RTL9: variants seen among roughly 807,000 people sequenced by gnomAD.
RTL9 encodes retrotransposon Gag-like protein 9.
Under a neutral mutation model 44.7 loss-of-function variants are expected in RTL9, and 19 were observed. The ratio of observed to expected loss-of-function variants is 0.42; its 90% CI spans 0.30 to 0.62. The LOEUF is 0.62. Among genes scored for constraint, RTL9 ranks in the 20% least tolerant of loss-of-function variants. RTL9 has a pLI of 0.16. For missense variants in RTL9, 1,105 were observed against 1,080.6 expected (o/e 1.02, Z -0.32); for synonymous variants, 407 against 398.9 (o/e 1.02, Z -0.24).
At chrX:110,451,871 C>A (rs745699098) in exon 1 of RTL9, 25 of 1,209,695 alleles carry the variant, frequency 2.1e-5, no homozygotes, top group Non-Finnish European at 2.8e-5. Flanking sequence ...TAATGGGAGC[C>A]CCAGCCTCTG....
intron 1 of RTL9, among the ~76,000 whole-genome samples, chrX:110,392,480 G>T (rs2068501704): frequency 9.0e-6 from 1 of 111,009 alleles, no homozygotes; most frequent in Non-Finnish European, 1.9e-5. Flanking sequence ...ACAAGGCCTT[G>T]CTTTGTTGTC....
At chrX:110,397,806 G>T (rs2068538324) in intron 1 of RTL9, among the ~76,000 whole-genome samples, 2 of 111,820 alleles carry the variant, frequency 1.8e-5, no homozygotes, top group African/African-American at 3.3e-5. Context: ...AATGGACTTG[G>T]GGGGGCAAAC....
chrX:110,366,564 G>A (rs1162244085), intron 1 of RTL9, among the ~76,000 whole-genome samples: 2 of 111,366 alleles, frequency 1.8e-5, no homozygotes, highest in East Asian at 2.8e-4. Flanking sequence ...ATAGAGTACT[G>A]TCCCTCAGCC....
chrX:110,361,437 C>T (rs942290924), intron 1 of RTL9, among the ~76,000 whole-genome samples: 2 of 111,509 alleles, frequency 1.8e-5, no homozygotes, highest in Admixed American at 1.9e-4. Flanking sequence ...ATTATTCTCT[C>T]ACTGTTTTTT....
chrX:110,425,335 C>T (rs966472432), intron 1 of RTL9, among the ~76,000 whole-genome samples: 1 of 112,255 alleles, frequency 8.9e-6, no homozygotes, highest in Admixed American at 9.4e-5. Context: ...TACCTTCTTC[C>T]TTCACCTTCC....
chrX:110,450,463 T>C (rs1169564935), upstream of RTL9: 2 of 484,207 alleles, frequency 4.1e-6, no homozygotes, highest in Non-Finnish European at 7.1e-6. Flanking sequence ...CAATGCCATA[T>C]ACCTGACAAC....
At chrX:110,413,255 C>A (rs185734947) in intron 1 of RTL9, among the ~76,000 whole-genome samples, 164 of 111,536 alleles carry the variant, frequency 1.5e-3, no homozygotes, top group African/African-American at 4.9e-3. Context: ...CTATTGTCTA[C>A]CTCCGGGCCT....
chrX:110,405,380 A>G (rs2068594550), intron 1 of RTL9, among the ~76,000 whole-genome samples: 1 of 111,394 alleles, frequency 9.0e-6, no homozygotes, highest in Admixed American at 9.5e-5. Context: ...GCAGCGTAAA[A>G]GCCAAATTAA....
upstream of RTL9, among the ~76,000 whole-genome samples, chrX:110,418,689 T>C (rs934757941): frequency 9.0e-6 from 1 of 111,645 alleles, no homozygotes; most frequent in Non-Finnish European, 1.9e-5. Context: ...TGGGACCTTA[T>C]GGGATCAGAG....
At chrX:110,434,919 G>A (rs1027658562) in intron 1 of RTL9, among the ~76,000 whole-genome samples, 2 of 109,283 alleles carry the variant, frequency 1.8e-5, no homozygotes, top group East Asian at 2.9e-4. Context: ...ACACCAGCCC[G>A]GAGTGAGAAG....
At chrX:110,378,500 T>C (rs1016023693) in intron 1 of RTL9, among the ~76,000 whole-genome samples, 1 of 112,235 alleles carries the variant, frequency 8.9e-6, no homozygotes, top group Non-Finnish European at 1.9e-5. Context: ...AGTAACGTAC[T>C]AGCTCCTCAT....
intron 1 of RTL9, among the ~76,000 whole-genome samples, chrX:110,369,061 G>T (rs762076240): frequency 8.9e-6 from 1 of 111,992 alleles, no homozygotes; most frequent in South Asian, 3.8e-4. Flanking sequence ...GGCTGTGTGC[G>T]GTGGCTCACG....
chrX:110,383,300 C>T (rs2068433322), intron 1 of RTL9, among the ~76,000 whole-genome samples: 1 of 111,237 alleles, frequency 9.0e-6, no homozygotes, highest in Non-Finnish European at 1.9e-5. Context: ...GTATAAACTT[C>T]ATACCCTCCT....
At chrX:110,379,803 T>C (rs1450827998) in intron 1 of RTL9, among the ~76,000 whole-genome samples, 2 of 112,349 alleles carry the variant, frequency 1.8e-5, no homozygotes, top group Non-Finnish European at 3.8e-5. Context: ...AATGCATGGA[T>C]GGCCTTTGAG....
Position 110,452,886 on chromosome X carries a change from C to G in RTL9, c.2269C>G (p.Pro757Ala), listed in dbSNP as rs1440759499. ...CCCAACCTCTGATGTGATGTCCACA[C>G]CAACAGTGAGAGCCTGGACCTCTGA... The change falls in exon 1 of 2, where the codon CCA (proline) becomes GCA (alanine). Residue 757 changes from proline to alanine, a missense_variant. Coordinates refer to ENST00000540313, the Ensembl canonical transcript of RTL9. The G allele has an allele frequency of 9.1e-6, 11 of 1,209,823 alleles. No individual in the cohort carries two copies. Among genetic ancestry groups the G allele is most frequent in the East Asian group, 8.9e-5 (3 of 33,763 alleles).
intron 1 of RTL9, among the ~76,000 whole-genome samples, chrX:110,398,364 C>A (rs2068542074): frequency 8.9e-6 from 1 of 112,283 alleles, no homozygotes; most frequent in African/African-American, 3.2e-5. Context: ...CTTTCCCACA[C>A]CTTATTTCAT....
intron 1 of RTL9, among the ~76,000 whole-genome samples, chrX:110,384,534 TA>T (rs2068441621): frequency 8.9e-6 from 1 of 111,955 alleles, no homozygotes; most frequent in Non-Finnish European, 1.9e-5. Flanking sequence ...GCATTTAACT[TA>T]ATAAATACTT....
chrX:110,392,368 T>C (rs1399981492), intron 1 of RTL9, among the ~76,000 whole-genome samples: 1 of 106,843 alleles, frequency 9.4e-6, no homozygotes, highest in Non-Finnish European at 1.9e-5. Flanking sequence ...CTCAAACTCC[T>C]GGGCTCGAGT....
exon 1 of RTL9, chrX:110,453,207 A>G: frequency 8.3e-7 from 1 of 1,211,930 alleles, no homozygotes; most frequent in Non-Finnish European, 1.1e-6. Flanking sequence ...GCCACTGATG[A>G]GAGCCCCAGA....
Sources: allele counts gnomAD v4.1 joint callset (sites outside exome capture counted in the v4.1 genomes callset), GRCh38; gene constraint gnomAD v4.1.1; transcripts MANE v1.5; gene names NCBI Gene and HGNC (gene_info 2026-07-23, HGNC 2026-07-21).